ACOT7: variants seen among roughly 807,000 people sequenced by gnomAD.
The protein encoded by ACOT7 is cytosolic acyl coenzyme A thioester hydrolase.
In ACOT7, 12 loss-of-function variants were observed where a neutral mutation model predicts 40.2. That is an observed-to-expected ratio of 0.30 (90% CI 0.19 to 0.48). The LOEUF (loss-of-function observed/expected upper bound fraction) is 0.48, where lower values mean the gene tolerates loss of function less well. ACOT7 is among the 20% of genes least tolerant of loss of function. The pLI is 0.99. For synonymous variants in ACOT7, 228 were observed against 219.5 expected, an observed-to-expected ratio of 1.04 and a Z score of -0.34; for missense variants, 395 against 530.8, an observed-to-expected ratio of 0.74 and a Z score of 2.51.
chr1:6,327,706 AC>A (rs1640843714), intron 4 of ACOT7, among the ~76,000 whole-genome samples: 1 of 152,028 alleles, frequency 6.6e-6, no homozygotes, highest in South Asian at 2.1e-4. Context: ...CTTAAAAGCA[AC>A]CGTGTATCTA....
chr1:6,270,013 G>T (rs1007276342), intron 8 of ACOT7, among the ~76,000 whole-genome samples: 4 of 152,256 alleles, frequency 2.6e-5, no homozygotes, highest in Non-Finnish European at 1.5e-5. Flanking sequence ...CCACCCAGGG[G>T]GAGGTGGAAC....
intron 2 of ACOT7, among the ~76,000 whole-genome samples, chr1:6,345,550 C>T (rs1363402614): frequency 3.9e-5 from 6 of 152,180 alleles, no homozygotes; most frequent in South Asian, 2.1e-4. Flanking sequence ...GCTTAGGAAA[C>T]GCCCAGGAGA....
chr1:6,320,531 A>G (rs943879382), intron 5 of ACOT7, among the ~76,000 whole-genome samples: 6 of 152,176 alleles, frequency 3.9e-5, no homozygotes, highest in African/African-American at 1.4e-4. Context: ...CATTACTTTT[A>G]ATGGGTAGCT....
chr1:6,367,581 C>T (rs1048289411), intron 1 of ACOT7, among the ~76,000 whole-genome samples: 4 of 152,192 alleles, frequency 2.6e-5, no homozygotes, highest in Admixed American at 2.0e-4. Context: ...CTCTGCAAGG[C>T]TGCACCTGGA....
chr1:6,305,952 C>T (rs1247057763), intron 6 of ACOT7, among the ~76,000 whole-genome samples: 20 of 152,032 alleles, frequency 1.3e-4, no homozygotes, highest in Non-Finnish European at 2.2e-4. Context: ...CTCGGGAGGC[C>T]GAGGCTGGCG....
chr1:6,304,330 A>AAAAG (rs1463352442), intron 6 of ACOT7, among the ~76,000 whole-genome samples: 2 of 150,300 alleles, frequency 1.3e-5, no homozygotes, highest in East Asian at 3.9e-4. Flanking sequence ...AAAAAAAAAA[A>AAAAG]AAAGAAAGAA....
rs185707322 is a variant in ACOT7, at chr1:6,353,052, T to C, written c.144-3186A>G. 3.9e-5 allele frequency among the ~76,000 whole-genome samples: 6 copies of C among 152,254 alleles called. No individual in the cohort carries two copies. In the South Asian group the frequency reaches 1.0e-3, roughly 26 times the overall value. On this transcript the variant is annotated intron_variant, in intron 1 of 8. Coordinates refer to ENST00000361521, the MANE Select transcript of ACOT7 (RefSeq NM_007274.4). ...CACCACCACGCCTGGCTAAATTTTGTATTTTTACTAGAGACAGGGTTTTGC... is the reference window on the plus strand; with the variant it reads ...CACCACCACGCCTGGCTAAATTTTGCATTTTTACTAGAGACAGGGTTTTGC...
chr1:6,331,228 T>C (rs1021705336), intron 4 of ACOT7, among the ~76,000 whole-genome samples: 7 of 152,176 alleles, frequency 4.6e-5, no homozygotes, highest in Non-Finnish European at 8.8e-5. Flanking sequence ...AAAATGTATA[T>C]CCACCTGAAA....
At chr1:6,391,150 G>T (rs1428823623) in intron 1 of ACOT7, among the ~76,000 whole-genome samples, 1 of 152,022 alleles carries the variant, frequency 6.6e-6, no homozygotes. Context: ...ACAAAAATTA[G>T]CTGGGCGTGG....
intron 1 of ACOT7, among the ~76,000 whole-genome samples, chr1:6,389,188 G>C (rs373905616): frequency 1.3e-5 from 2 of 152,106 alleles, no homozygotes; most frequent in East Asian, 3.9e-4. Context: ...CACTATTCTA[G>C]GCATTCATGG....
rs140559734 is a variant in ACOT7, at chr1:6,385,888, G to A, written c.143+7369C>T. 968 of 1,299,556 alleles carry A rather than the reference G, an allele frequency of 7.4e-4. 7 individuals carry two copies. In the African/African-American group the frequency reaches 0.013, roughly 17 times the overall value. 80.5% of individuals were successfully genotyped at this position (1,299,556 alleles called of 1,614,324 possible). ...GGATCACAGGATGTTCTCTACAAAA[G>A]ACCAGTGATGCAAGGAATCCATGAC... On this transcript the variant is annotated intron_variant, in intron 1 of 8. Transcript: ENST00000361521.
intron 6 of ACOT7, among the ~76,000 whole-genome samples, chr1:6,296,531 C>T (rs1639817421): frequency 6.6e-6 from 1 of 151,912 alleles, no homozygotes; most frequent in Non-Finnish European, 1.5e-5. Flanking sequence ...TCAAGCAATT[C>T]TCCTGCCTCA....
chr1:6,385,418 C>T lies in ACOT7; in HGVS notation c.143+7839G>A, dbSNP rs924317176. ...CTCCCCAAAACTCCTCCAAGTTATG[C>T]GGCCCAAGGCCCTGGCTGCCCAGTC... On this transcript the variant is annotated intron_variant, in intron 1 of 8. Transcript: ENST00000361521. 132 of 1,501,024 alleles carry T rather than the reference C, an allele frequency of 8.8e-5. 2 individuals are homozygous for T. The South Asian group carries it at 9.7e-4, about 11-fold the overall frequency. 93.0% of individuals were successfully genotyped at this position (1,501,024 alleles called of 1,614,324 possible).
chr1:6,313,629 C>T (rs1228405502), intron 6 of ACOT7, among the ~76,000 whole-genome samples: 1 of 152,162 alleles, frequency 6.6e-6, no homozygotes, highest in Non-Finnish European at 1.5e-5. Context: ...AAAGGGGAGG[C>T]TGCAATTTTC....
At chr1:6,298,272 T>A (rs1639868325) in intron 6 of ACOT7, among the ~76,000 whole-genome samples, 1 of 152,104 alleles carries the variant, frequency 6.6e-6, no homozygotes, top group Non-Finnish European at 1.5e-5. Context: ...GTAGCTGGGA[T>A]TACAGGAGCC....
At chr1:6,304,006 T>C (rs371427269) in intron 6 of ACOT7, among the ~76,000 whole-genome samples, 10 of 152,252 alleles carry the variant, frequency 6.6e-5, no homozygotes, top group African/African-American at 2.4e-4. Context: ...GGATTTTGCA[T>C]CCCAACTGCC....
intron 8 of ACOT7, among the ~76,000 whole-genome samples, chr1:6,268,528 C>T (rs1003376567): frequency 1.3e-5 from 2 of 152,232 alleles, no homozygotes; most frequent in African/African-American, 4.8e-5. Context: ...AAGCGGTGGG[C>T]TGCGGGCAGA....
At chr1:6,336,586 G>A (rs1042732350) in intron 3 of ACOT7, among the ~76,000 whole-genome samples, 1 of 152,112 alleles carries the variant, frequency 6.6e-6, no homozygotes, top group African/African-American at 2.4e-5. Context: ...TCCTGGGGTG[G>A]AGACAGCACA....
At chr1:6,327,495 A>G in intron 4 of ACOT7, 82 bp from the exon 5 acceptor site, 1 of 1,254,144 alleles carries the variant, frequency 8.0e-7, no homozygotes. Flanking sequence ...CCAGGCCCTT[A>G]TAGCCTTGTG....
Sources: gnomAD v4.1 joint callset for allele counts (sites outside exome capture counted in the v4.1 genomes callset) on GRCh38, gnomAD v4.1.1 for gene constraint, MANE v1.5 for transcripts, NCBI Gene and HGNC (gene_info 2026-07-23, HGNC 2026-07-21) for gene names.